The following GNPTAB variants were observed in gnomAD, a reference collection of about 807,000 sequenced individuals.
GNPTAB encodes the protein N-acetylglucosamine-1-phosphotransferase subunits alpha/beta.
A neutral mutation model predicts 136.6 loss-of-function variants in GNPTAB; 92 were observed. That is an observed-to-expected ratio of 0.67 (90% confidence interval 0.57 to 0.80). GNPTAB has a LOEUF of 0.80. Among genes scored for constraint, GNPTAB ranks in the 30% least tolerant of loss-of-function variants. The pLI, the probability that GNPTAB is intolerant of heterozygous loss-of-function variation, is 0.00. For missense variants in GNPTAB, 1,343 were observed against 1,501.8 expected (o/e 0.89, Z 1.75); for synonymous variants, 512 against 535.1 (o/e 0.96, Z 0.60).
rs532174212 is a variant in GNPTAB, at chr12:101,796,667, T to C, written c.203+10A>G. On this transcript the variant is annotated intron_variant, in intron 2 of 20. Transcript: ENST00000299314. ...GTCCAAATAATAGATTTCTCCAAAA[T>C]AGATCTTACCGATTCTGAAAGGACT... 10 of 1,559,250 alleles carry C rather than the reference T, an allele frequency of 6.4e-6. No individual in the cohort carries two copies. Among genetic ancestry groups the C allele is most frequent in the African/African-American group, 5.4e-5 (4 of 73,924 alleles).
intron 8 of GNPTAB, 151 bp from the exon 9 acceptor site, chr12:101,770,736 A>G: frequency 1.4e-6 from 1 of 725,038 alleles, no homozygotes; most frequent in South Asian, 1.6e-5. Context: ...AAAAAATGCA[A>G]AAGATTCAGT....
At chr12:101,809,950 C>A (rs955107782) in intron 1 of GNPTAB, among the ~76,000 whole-genome samples, 10 of 152,160 alleles carry the variant, frequency 6.6e-5, no homozygotes, top group African/African-American at 2.2e-4. Context: ...GATTTGCCAA[C>A]TATAACAAAT....
intron 1 of GNPTAB, among the ~76,000 whole-genome samples, chr12:101,816,673 A>T (rs1870522809): frequency 6.6e-6 from 1 of 152,218 alleles, no homozygotes; most frequent in African/African-American, 2.4e-5. Flanking sequence ...CGACTATATG[A>T]TCTAGCAATC....
chr12:101,764,946 T>G lies in GNPTAB; in HGVS notation c.1971A>C (p.Thr657=). The G allele has an allele frequency of 6.2e-7, 1 of 1,614,020 alleles. No homozygotes were observed. Among genetic ancestry groups the G allele is most frequent in the Admixed American group, 1.7e-5 (1 of 60,014 alleles). The change falls in exon 13 of 21, where the codon ACA becomes ACC. Residue 657 remains threonine (T), a synonymous_variant. Coordinates refer to ENST00000299314, the MANE Select transcript of GNPTAB (RefSeq NM_024312.5). ...KGYENLVSPI[T]LLPEAEILFE... Reference sequence around the variant, plus strand: ...AAAGGATTTCCGCCTCTGGAAGAAGTGTTATGGGACTAACTAAATTTTCGT... The same window carrying G: ...AAAGGATTTCCGCCTCTGGAAGAAGGGTTATGGGACTAACTAAATTTTCGT...
intron 1 of GNPTAB, among the ~76,000 whole-genome samples, chr12:101,800,174 AGC>A (rs769760946): frequency 7.8e-6 from 1 of 128,298 alleles, no homozygotes; most frequent in Non-Finnish European, 1.6e-5. Flanking sequence ...GACCTCTGCC[AGC>A]TAGCTACATG....
At chr12:101,825,223 T>C (rs1871029026) in intron 1 of GNPTAB, among the ~76,000 whole-genome samples, 1 of 152,232 alleles carries the variant, frequency 6.6e-6, no homozygotes, top group African/African-American at 2.4e-5. Flanking sequence ...GCATGAGCTA[T>C]AATTATTTGT....
Position 101,771,017 on chromosome 12 carries a change from C to A in GNPTAB, c.912G>T (p.Trp304Cys), listed in dbSNP as rs771322832. The change falls in exon 8 of 21, where the codon TGG (tryptophan) becomes TGT (cysteine). Residue 304 changes from tryptophan to cysteine, a missense_variant. Trp to Cys is a radical substitution (Grantham distance 215). Transcript: ENST00000299314. The stretch of plus-strand genomic sequence containing the variant: ...TTACCTGGCTGATGGCGCTCAGATC[C>A]CATAATAAATATGCAGGACTTATGG... Reference protein sequence around the residue: ...ELTISPAYLLWDLSAISQSKQ... With the variant: ...ELTISPAYLLCDLSAISQSKQ... The A allele has an allele frequency of 4.3e-6, 7 of 1,614,044 alleles. No individual in the cohort carries two copies. The highest frequency in any genetic ancestry group is 5.9e-6 in the Non-Finnish European group (7 of 1,179,988).
At chr12:101,796,449 C>T (rs540043565) in intron 2 of GNPTAB, 6 of 626,458 alleles carry the variant, frequency 9.6e-6, no homozygotes, top group Middle Eastern at 3.3e-4. Context: ...TGGTGTGTCA[C>T]CCTTGCACAG....
Position 101,749,126 on chromosome 12 carries a change from G to C in GNPTAB, c.3668C>G (p.Thr1223Ser). 6.2e-7 allele frequency: 1 copy of C among 1,609,960 alleles called. No homozygotes were observed. The highest frequency in any genetic ancestry group is 1.7e-4 in the Middle Eastern group (1 of 6,056). ...HCVLATLIMF[T>S]IFSFFAEQLI... The stretch of plus-strand genomic sequence containing the variant: ...CTGCTCAGCAAAAAATGAGAATATA[G>C]TAAACATAATCAATGTTGCTAGTAC... Residue 1223 changes from threonine (T) to serine (S), a missense_variant, in exon 20 of 21, where the codon ACT (threonine) becomes AGT (serine). Thr to Ser is a moderately conservative substitution (Grantham distance 58). Transcript: ENST00000299314.
intron 19 of GNPTAB, among the ~76,000 whole-genome samples, chr12:101,750,661 T>C (rs1952802718): frequency 6.6e-6 from 1 of 152,226 alleles, no homozygotes; most frequent in African/African-American, 2.4e-5. Context: ...CTTTTTCCTC[T>C]GAGTTAAGGG....
chr12:101,828,177 G>C (rs1230100820), intron 1 of GNPTAB, among the ~76,000 whole-genome samples: 1 of 152,202 alleles, frequency 6.6e-6, no homozygotes, highest in African/African-American at 2.4e-5. Flanking sequence ...ACCATTTAAT[G>C]AGGGTCTGTT....
intron 19 of GNPTAB, among the ~76,000 whole-genome samples, chr12:101,750,550 T>C (rs11110995): frequency 0.11 from 16,431 of 152,200 alleles, 1,103 homozygotes; most frequent in African/African-American, 0.18. Flanking sequence ...TCCTCTCAAA[T>C]TACTTTTAAG....
intron 1 of GNPTAB, among the ~76,000 whole-genome samples, chr12:101,825,028 A>C (rs183356410): frequency 6.6e-6 from 1 of 152,200 alleles, no homozygotes; most frequent in East Asian, 1.9e-4. Flanking sequence ...CCTAAAGCTC[A>C]TGCCTCCTTG....
chr12:101,761,798 T>C (rs1953001864), intron 13 of GNPTAB, 35 bp from the exon 14 acceptor site: 1 of 1,425,216 alleles, frequency 7.0e-7, no homozygotes, highest in South Asian at 1.1e-5. Flanking sequence ...CTCAGCATTA[T>C]GTTTAGTGCA....
chr12:101,751,868 G>A (rs777120140), intron 19 of GNPTAB, among the ~76,000 whole-genome samples: 11 of 152,106 alleles, frequency 7.2e-5, no homozygotes, highest in Non-Finnish European at 1.3e-4. Flanking sequence ...GTTCATACGC[G>A]GGCTCCCCCA....
chr12:101,818,765 T>C (rs1870646069), intron 1 of GNPTAB, among the ~76,000 whole-genome samples: 1 of 152,152 alleles, frequency 6.6e-6, no homozygotes, highest in South Asian at 2.1e-4. Context: ...GTAGCTCCCA[T>C]AATCCCCATG....
intron 1 of GNPTAB, chr12:101,810,432 T>TACACACACACACACACAC (rs71438442): frequency 9.3e-6 from 1 of 107,504 alleles, no homozygotes; most frequent in Non-Finnish European, 1.9e-5. Flanking sequence ...TACACACACA[T>TACACACACACACACACAC]ACACACACAC....
At chr12:101,792,972 C>T (rs548577872) in intron 2 of GNPTAB, among the ~76,000 whole-genome samples, 1 of 152,090 alleles carries the variant, frequency 6.6e-6, no homozygotes, top group African/African-American at 2.4e-5. Context: ...TCAGGTAATG[C>T]TGATGTTGCT....
intron 7 of GNPTAB, chr12:101,773,292 A>G (rs2137128001): frequency 4.4e-6 from 1 of 228,318 alleles, no homozygotes; most frequent in Non-Finnish European, 9.1e-6. Flanking sequence ...TGAGTAGCAC[A>G]TGGTACTTCA....
Sources: gnomAD v4.1 joint callset for allele counts (sites outside exome capture counted in the v4.1 genomes callset) on GRCh38, gnomAD v4.1.1 for gene constraint, MANE v1.5 for transcripts, NCBI Gene and HGNC (gene_info 2026-07-23, HGNC 2026-07-21) for gene names.